NUP54: variants seen among roughly 807,000 people sequenced by gnomAD.
NUP54 encodes nucleoporin 54, also known as nucleoporin p54.
A neutral mutation model predicts 66.4 loss-of-function variants in NUP54; 27 were observed. The observed-to-expected ratio is 0.41, with a 90% CI of 0.30 to 0.56. The LOEUF is 0.56. Ranked by LOEUF, NUP54 falls within the 20% of genes least tolerant of loss-of-function variation. The pLI, the probability that NUP54 is intolerant of heterozygous loss-of-function variation, is 0.34. For synonymous variants in NUP54, 206 were observed against 210.7 expected (o/e 0.98, Z 0.19); for missense variants, 486 against 596.3 (o/e 0.82, Z 1.93).
chr4:76,147,616 T>G (rs1362470872), intron 1 of NUP54: 2 of 1,289,080 alleles, frequency 1.6e-6, no homozygotes, highest in Non-Finnish European at 2.0e-6. Flanking sequence ...GGCGGTGGAG[T>G]TGGCAGTCTC....
rs140204433 is a variant in NUP54 at position 76,132,664 on chromosome 4, C to G, written c.766G>C (p.Val256Leu). 1.2e-6 allele frequency: 2 copies of G among 1,613,992 alleles called. No homozygotes were observed. Among genetic ancestry groups the G allele is most frequent in the Non-Finnish European group, 1.7e-6 (2 of 1,179,958 alleles). ...ERSPNGTSRR[V>L]PATTLYAHFE... ...TGGGCATATAGCGTTGTAGCTGGAA[C>G]TCTTCTTGAAGTACCATTTGGCGAA... Residue 256 changes from valine to leucine, a missense_variant, in exon 6 of 12, where the codon GTT (valine) becomes CTT (leucine). By Grantham distance (32) the Val-to-Leu change is conservative (BLOSUM62 1). Around this residue, in one of 4 missense-constraint regions of NUP54, gnomAD observed 217 missense variants for 247.9 expected, o/e 0.88. Coordinates refer to ENST00000264883, the MANE Select transcript of NUP54 (RefSeq NM_017426.4).
At chr4:76,119,993 T>TTAAGAAGTA (rs1730157874) in intron 9 of NUP54, among the ~76,000 whole-genome samples, 1 of 152,192 alleles carries the variant, frequency 6.6e-6, no homozygotes. Context: ...ATGAAATGCC[T>TTAAGAAGTA]TAAGAAGTAT....
intron 3 of NUP54, among the ~76,000 whole-genome samples, chr4:76,137,431 A>AT (rs976919226): frequency 6.6e-5 from 10 of 152,330 alleles, no homozygotes; most frequent in African/African-American, 2.4e-4. Context: ...AAGATGTAGG[A>AT]TTTTTTAAAA....
intron 8 of NUP54, among the ~76,000 whole-genome samples, chr4:76,125,316 T>TCACACACTCA (rs370206894): frequency 3.0e-4 from 37 of 125,386 alleles, no homozygotes; most frequent in African/African-American, 1.0e-3. Flanking sequence ...TGAGACTCCA[T>TCACACACTCA]CACACACACA....
At chr4:76,125,867 A>G (rs1730515923) in intron 8 of NUP54, among the ~76,000 whole-genome samples, 1 of 142,632 alleles carries the variant, frequency 7.0e-6, no homozygotes, top group Non-Finnish European at 1.5e-5. Flanking sequence ...AGGGGGAGGG[A>G]GAGAGAGAGA....
At chr4:76,127,339 G>A (rs994302543) in intron 8 of NUP54, among the ~76,000 whole-genome samples, 1 of 145,884 alleles carries the variant, frequency 6.9e-6, no homozygotes, top group Non-Finnish European at 1.5e-5. Context: ...GGCTGAGGCA[G>A]AACAATGGCG....
chr4:76,144,970 T>A (rs1255454685), intron 1 of NUP54, among the ~76,000 whole-genome samples: 1 of 152,190 alleles, frequency 6.6e-6, no homozygotes, highest in Non-Finnish European at 1.5e-5. Flanking sequence ...CAGTGTCACA[T>A]ATTCCCATTT....
chr4:76,121,668 T>C (rs979565097), intron 9 of NUP54, among the ~76,000 whole-genome samples: 1 of 152,272 alleles, frequency 6.6e-6, no homozygotes, highest in African/African-American at 2.4e-5. Context: ...ATTTTTAATT[T>C]TGTAAAGTGG....
At chr4:76,128,650 T>A (rs59927725) in intron 8 of NUP54, among the ~76,000 whole-genome samples, 20,020 of 152,212 alleles carry the variant, frequency 0.13, 1,544 homozygotes, top group East Asian at 0.35. Flanking sequence ...CAAAGACTTC[T>A]GAGTGTCTTG....
intron 1 of NUP54, among the ~76,000 whole-genome samples, chr4:76,147,229 T>C (rs12499989): frequency 0.057 from 8,648 of 152,296 alleles, 394 homozygotes; most frequent in Admixed American, 0.14. Flanking sequence ...TTCAAAATTA[T>C]AATCCAAATG....
At chr4:76,128,239 T>C (rs947183835) in intron 8 of NUP54, among the ~76,000 whole-genome samples, 1 of 152,082 alleles carries the variant, frequency 6.6e-6, no homozygotes, top group Non-Finnish European at 1.5e-5. Context: ...GTGCAGCATC[T>C]GGGCCTCTAC....
chr4:76,144,006 A>AGCCCCAGATCT, intron 3 of NUP54, 143 bp downstream of exon 3: 1 of 841,254 alleles, frequency 1.2e-6, no homozygotes. Flanking sequence ...TATCATATTT[A>AGCCCCAGATCT]AACATGAAAA....
Position 76,134,164 on chromosome 4 carries a change from T to G in NUP54, c.710+11A>C. 6.4e-7 allele frequency: 1 copy of G among 1,570,304 alleles called. No individual in the cohort carries two copies. The highest frequency in any genetic ancestry group is 8.8e-7 in the Non-Finnish European group (1 of 1,142,482). On this transcript the variant is annotated intron_variant, in intron 5 of 11. Transcript: ENST00000264883. Reference sequence around the variant, plus strand: ...TACACAGAAATAAACAGTATATTTATGTATACTTACTGATCATCTGGCAAT... The same window carrying G: ...TACACAGAAATAAACAGTATATTTAGGTATACTTACTGATCATCTGGCAAT...
At position 76,148,316 on chromosome 4, in the gene NUP54, G is replaced by T. The variant is rs770684863; in HGVS notation, c.59C>A (p.Ala20Asp). Residue 20 changes from alanine (A) to aspartate (D), a missense_variant, in exon 1 of 12, where the codon GCC becomes GAC. Transcript: ENST00000264883. ...CTAGGGGGATCACTCACCCGCGGGG[G>T]CCGCGGTGGCTGCAGCGGTACCGGA... ...GTSGTAAATA[A>D]PAGGFGGFGT... 17 of 1,517,814 alleles carry T rather than the reference G, an allele frequency of 1.1e-5. No individual in the cohort carries two copies. Among genetic ancestry groups the T allele is most frequent in the Non-Finnish European group, 1.5e-5 (17 of 1,132,082 alleles). 94.0% of individuals were successfully genotyped at this position (1,517,814 alleles called of 1,614,324 possible). A position where few individuals can be genotyped will look rare whatever the true frequency, so the allele number is the denominator to read the frequency against.
At position 76,147,720 on chromosome 4, in the gene NUP54, A is replaced by C. The variant is rs1731564209; in HGVS notation, c.67+588T>G. 16 of 1,100,524 alleles carry C rather than the reference A, an allele frequency of 1.5e-5. No individual in the cohort carries two copies. The South Asian group carries it at 2.0e-4, about 14-fold the overall frequency. The allele number at this position is 1,100,524 out of a possible 1,614,324, so 68.2% of individuals were successfully genotyped here. The stretch of plus-strand genomic sequence containing the variant: ...GAAAAGAAAGCAAGATAAGGATTAG[A>C]AGAATCAGCAGGAGGTTTCACAGAA... On this transcript the variant is annotated intron_variant, in intron 1 of 11. Coordinates refer to ENST00000264883, the MANE Select transcript of NUP54 (RefSeq NM_017426.4).
chr4:76,138,361 C>T (rs4481255), intron 3 of NUP54, among the ~76,000 whole-genome samples: 20,006 of 152,130 alleles, frequency 0.13, 1,540 homozygotes, highest in East Asian at 0.35. Context: ...AGAAAATCTT[C>T]ACCTTCTGTT....
At chr4:76,137,321 T>C (rs1731079377) in intron 3 of NUP54, among the ~76,000 whole-genome samples, 1 of 152,020 alleles carries the variant, frequency 6.6e-6, no homozygotes. Flanking sequence ...CCAAATTAAT[T>C]CCATTACCAG....
intron 9 of NUP54, among the ~76,000 whole-genome samples, chr4:76,123,803 T>A (rs4538520): frequency 1.3e-5 from 2 of 152,196 alleles, no homozygotes; most frequent in Admixed American, 1.3e-4. Flanking sequence ...AGTGAGACAC[T>A]GTGCCCGGCC....
At chr4:76,137,987 C>T (rs925242137) in intron 3 of NUP54, among the ~76,000 whole-genome samples, 4 of 152,052 alleles carry the variant, frequency 2.6e-5, no homozygotes, top group Admixed American at 1.3e-4. Flanking sequence ...GAGGAGAAAA[C>T]GTGAATACCA....
Sources: allele counts gnomAD v4.1 joint callset (sites outside exome capture counted in the v4.1 genomes callset), GRCh38; gene constraint gnomAD v4.1.1; regional missense constraint gnomAD v4.1.1; transcripts MANE v1.5; gene names NCBI Gene and HGNC (gene_info 2026-07-23, HGNC 2026-07-21).